Variants in PCNX1 observed in about 807,000 individuals in gnomAD.
PCNX1 encodes the protein pecanex-like protein 1.
Under a neutral mutation model 242.2 loss-of-function variants are expected in PCNX1, and 78 were observed. That is an observed-to-expected ratio of 0.32 (90% CI 0.27 to 0.39). PCNX1 has a LOEUF of 0.39. PCNX1 is among the 10% of genes least tolerant of loss of function. The pLI is 1.00. For synonymous variants in PCNX1, 1,024 were observed against 1,032.9 expected, an observed-to-expected ratio of 0.99 and a Z score of 0.17; for missense variants, 2,581 against 2,856.5, an observed-to-expected ratio of 0.90 and a Z score of 2.20.
Position 71,110,039 on chromosome 14 carries a change from A to G in PCNX1, c.*104A>G. The G allele has an allele frequency of 1.9e-6, 2 of 1,027,464 alleles. No individual in the cohort carries two copies. Among genetic ancestry groups the G allele is most frequent in the Non-Finnish European group, 3.1e-6 (2 of 655,198 alleles). The allele number at this position is 1,027,464 out of a possible 1,614,324, so 63.6% of individuals were successfully genotyped here. Reference sequence around the variant, plus strand: ...TGCCTGCAGGTATCACTTTGATCCTATGTGGGAGCGACTGAAAATAGAATG... The same window carrying G: ...TGCCTGCAGGTATCACTTTGATCCTGTGTGGGAGCGACTGAAAATAGAATG... On this transcript the variant is annotated 3_prime_UTR_variant, in exon 36 of 36. Transcript: ENST00000304743.
intron 1 of PCNX1, among the ~76,000 whole-genome samples, chr14:70,913,242 T>C (rs571070945): frequency 2.0e-4 from 30 of 152,308 alleles, no homozygotes; most frequent in African/African-American, 6.0e-4. Context: ...TTTTTTATTA[T>C]ACATGTGAAG....
At chr14:71,095,941 C>T (rs1025344586) in intron 30 of PCNX1, among the ~76,000 whole-genome samples, 13 of 151,572 alleles carry the variant, frequency 8.6e-5, no homozygotes, top group Admixed American at 2.0e-4. Context: ...TTTGGGAGGC[C>T]GAGGCAGGAG....
In PCNX1 at chr14:71,088,398, A is replaced by G; in HGVS notation, c.5406A>G (p.Arg1802=). The G allele has an allele frequency of 6.2e-7, 1 of 1,610,540 alleles. No individual in the cohort carries two copies. Among genetic ancestry groups the G allele is most frequent in the South Asian group, 1.1e-5 (1 of 90,964 alleles). The change falls in exon 29 of 36, where the codon AGA becomes AGG. Residue 1802 remains arginine (R), a synonymous_variant. Transcript: ENST00000304743. ...LCYGLCVLGR[R]ALGTASHHMS... The stretch of plus-strand genomic sequence containing the variant: ...ATGGACTCTGTGTTCTGGGACGGAG[A>G]GCTTTGGGGACTGCATCCCATCATA...
chr14:70,914,639 A>T (rs2056074857), intron 1 of PCNX1, among the ~76,000 whole-genome samples: 1 of 152,220 alleles, frequency 6.6e-6, no homozygotes, highest in Non-Finnish European at 1.5e-5. Context: ...TCAAACATAT[A>T]GGAAAGTTGA....
intron 26 of PCNX1, among the ~76,000 whole-genome samples, chr14:71,069,461 T>C (rs2061537244): frequency 6.6e-6 from 1 of 152,232 alleles, no homozygotes; most frequent in Non-Finnish European, 1.5e-5. Context: ...AAAGACACTT[T>C]ATAATATTGC....
At chr14:71,036,299 A>G in intron 19 of PCNX1, 142 bp downstream of exon 19, 2 of 605,220 alleles carry the variant, frequency 3.3e-6, no homozygotes, top group Admixed American at 2.5e-5. Flanking sequence ...CCACGTAGCT[A>G]GGACTACAGT....
At chr14:71,104,068 G>A in intron 32 of PCNX1, among the ~76,000 whole-genome samples, 1 of 152,100 alleles carries the variant, frequency 6.6e-6, no homozygotes. Context: ...AACACTAGGG[G>A]GAGCACTCTG....
At chr14:71,035,719 CCAACATGGTGAA>C (rs2060510888) in intron 18 of PCNX1, among the ~76,000 whole-genome samples, 1 of 151,212 alleles carries the variant, frequency 6.6e-6, no homozygotes, top group Non-Finnish European at 1.5e-5. Context: ...ATCAGCCTGG[CCAACATGGTGAA>C]ACCCTGTCTC....
chr14:70,993,556 A>C (rs1476050700), intron 7 of PCNX1, among the ~76,000 whole-genome samples: 1 of 152,090 alleles, frequency 6.6e-6, no homozygotes, highest in Admixed American at 6.6e-5. Flanking sequence ...GCATTGTCTA[A>C]TATCTTAAAA....
intron 8 of PCNX1, among the ~76,000 whole-genome samples, chr14:71,001,453 T>A (rs2059504123): frequency 1.3e-5 from 2 of 152,228 alleles, no homozygotes; most frequent in African/African-American, 4.8e-5. Flanking sequence ...TATCTACTCT[T>A]ATTTTCATCC....
intron 8 of PCNX1, 75 bp from the exon 9 acceptor site, chr14:71,009,559 A>G: frequency 2.4e-6 from 2 of 822,684 alleles, no homozygotes; most frequent in Non-Finnish European, 3.7e-6. Context: ...GTAGAAACTT[A>G]CGAAATTTAG....
At chr14:70,970,943 C>A (rs531203476) in intron 5 of PCNX1, among the ~76,000 whole-genome samples, 1 of 152,068 alleles carries the variant, frequency 6.6e-6, no homozygotes, top group Non-Finnish European at 1.5e-5. Context: ...TCACTATAAA[C>A]GTTTGAAGTT....
chr14:71,075,749 T>G (rs995365126), intron 27 of PCNX1, among the ~76,000 whole-genome samples: 2 of 151,914 alleles, frequency 1.3e-5, no homozygotes, highest in African/African-American at 4.8e-5. Context: ...ATACAAAAAT[T>G]TATCTGGGTG....
At chr14:71,084,893 A>G (rs566053737) in intron 28 of PCNX1, among the ~76,000 whole-genome samples, 2 of 152,324 alleles carry the variant, frequency 1.3e-5, no homozygotes, top group East Asian at 1.9e-4. Flanking sequence ...CCACTGGGGT[A>G]TGAAAACTCT....
chr14:71,064,512 A>G (rs1198902241), intron 26 of PCNX1, among the ~76,000 whole-genome samples: 1 of 152,206 alleles, frequency 6.6e-6, no homozygotes, highest in African/African-American at 2.4e-5. Flanking sequence ...CACAAAATAC[A>G]GCTCTTGTGT....
intron 30 of PCNX1, among the ~76,000 whole-genome samples, chr14:71,091,059 A>G (rs557977392): frequency 6.6e-6 from 1 of 152,338 alleles, no homozygotes; most frequent in African/African-American, 2.4e-5. Context: ...CAGGGAGGTG[A>G]GAATGTAGAA....
intron 1 of PCNX1, among the ~76,000 whole-genome samples, chr14:70,920,406 A>C (rs530089144): frequency 6.6e-6 from 1 of 152,284 alleles, no homozygotes; most frequent in South Asian, 2.1e-4. Flanking sequence ...ACAGGCTAGA[A>C]TTCTGTTCTT....
chr14:71,058,926 C>A (rs1480662270), intron 26 of PCNX1, among the ~76,000 whole-genome samples: 1 of 152,154 alleles, frequency 6.6e-6, no homozygotes, highest in East Asian at 1.9e-4. Context: ...GAGTCTTAAC[C>A]CCAGGCTGTT....
At chr14:70,954,371 A>C (rs2057910007) in intron 2 of PCNX1, among the ~76,000 whole-genome samples, 1 of 152,048 alleles carries the variant, frequency 6.6e-6, no homozygotes, top group South Asian at 2.1e-4. Context: ...TTTTTAGGAG[A>C]GACTTCGCTA....
Sources: gnomAD v4.1 joint callset for allele counts (sites outside exome capture counted in the v4.1 genomes callset) on GRCh38, gnomAD v4.1.1 for gene constraint, MANE v1.5 for transcripts, NCBI Gene and HGNC (gene_info 2026-07-23, HGNC 2026-07-21) for gene names.